Variants in MAGI1 observed in about 807,000 individuals in gnomAD.
The protein encoded by MAGI1 is membrane-associated guanylate kinase, WW and PDZ domain-containing protein 1.
MAGI1 carries 58 observed loss-of-function variants against 139.9 expected under a neutral mutation model. The ratio of observed to expected loss-of-function variants is 0.41; its 90% CI spans 0.34 to 0.52. The LOEUF is 0.52. MAGI1 is among the 20% of genes least tolerant of loss of function. The probability of loss-of-function intolerance (pLI) is 0.12; values close to 1 mark genes in which losing one functional copy is unlikely to be tolerated. For missense variants in MAGI1, 1,874 were observed against 1,901.6 expected (o/e 0.99, Z 0.27); for synonymous variants, 812 against 737.9 (o/e 1.10, Z -1.63).
At chr3:65,430,602 T>A (rs1947384412) in intron 11 of MAGI1, 97 bp downstream of exon 11, 1 of 1,315,982 alleles carries the variant, frequency 7.6e-7, no homozygotes, top group African/African-American at 1.5e-5. Flanking sequence ...TGACGTTGCT[T>A]GGTCTTGCTC....
At chr3:65,514,513 C>T (rs1317177150) in intron 2 of MAGI1, among the ~76,000 whole-genome samples, 2 of 150,580 alleles carry the variant, frequency 1.3e-5, no homozygotes, top group Non-Finnish European at 2.9e-5. Flanking sequence ...TGAACAGACA[C>T]TTCTCAAAAG....
intron 1 of MAGI1, among the ~76,000 whole-genome samples, chr3:65,948,322 G>C (rs2063640555): frequency 6.6e-6 from 1 of 152,146 alleles, no homozygotes; most frequent in Admixed American, 6.5e-5. Context: ...TATATCTCCA[G>C]CCTTCCTAAA....
intron 12 of MAGI1, among the ~76,000 whole-genome samples, chr3:65,417,359 C>T (rs1946302122): frequency 1.3e-5 from 2 of 152,052 alleles, no homozygotes; most frequent in African/African-American, 4.8e-5. Context: ...ATGGAGGATG[C>T]TAATCATAAT....
chr3:65,805,368 C>T (rs1575563106), intron 1 of MAGI1, among the ~76,000 whole-genome samples: 1 of 152,132 alleles, frequency 6.6e-6, no homozygotes, highest in Non-Finnish European at 1.5e-5. Context: ...TAGAGAAATG[C>T]AAATCAAAAC....
chr3:65,940,180 T>C lies in MAGI1; in HGVS notation c.313+97816A>G, dbSNP rs61225842. On this transcript the variant is annotated intron_variant, in intron 1 of 22. Coordinates refer to ENST00000402939, the MANE Select transcript of MAGI1 (RefSeq NM_001033057.2). ...GTTCTCCAAACCCTCCTACCTCTTATTCCAAGCAAAGCAGAGAGCGCTTAG... is the reference window on the plus strand; with the variant it reads ...GTTCTCCAAACCCTCCTACCTCTTACTCCAAGCAAAGCAGAGAGCGCTTAG... Among the ~76,000 whole-genome samples, 556 of 152,258 alleles carry C rather than the reference T, an allele frequency of 3.7e-3. 2 individuals carry two copies. The highest frequency in any genetic ancestry group is 0.013 in the African/African-American group (526 of 41,546).
chr3:65,360,281 C>A (rs758021949), intron 22 of MAGI1: 21 of 984,218 alleles, frequency 2.1e-5, no homozygotes, highest in Non-Finnish European at 2.4e-5. Context: ...CATTCAATCA[C>A]AGTTTCTATA....
intron 1 of MAGI1, among the ~76,000 whole-genome samples, chr3:65,890,834 C>A (rs2060716526): frequency 6.6e-6 from 1 of 152,156 alleles, no homozygotes; most frequent in Admixed American, 6.5e-5. Context: ...TTGTACTTGT[C>A]AATAGACAGC....
chr3:65,465,312 C>T (rs1044099323), intron 5 of MAGI1, among the ~76,000 whole-genome samples: 1 of 150,604 alleles, frequency 6.6e-6, no homozygotes, highest in Non-Finnish European at 1.5e-5. Flanking sequence ...CTCCATTCTT[C>T]TCTTTTCCTC....
intron 1 of MAGI1, among the ~76,000 whole-genome samples, chr3:65,678,226 C>T (rs746910084): frequency 5.3e-5 from 8 of 151,850 alleles, no homozygotes; most frequent in African/African-American, 9.7e-5. Context: ...ATGTAGATGA[C>T]GGGTTGATGG....
At chr3:65,420,346 T>C (rs6776155) in intron 12 of MAGI1, among the ~76,000 whole-genome samples, 86,736 of 151,924 alleles carry the variant, frequency 0.57, 28,167 homozygotes, top group Non-Finnish European at 0.71. Context: ...TTTCCTTCTC[T>C]GTGGTCACTC....
At chr3:66,028,401 T>G (rs2068410519) in intron 1 of MAGI1, among the ~76,000 whole-genome samples, 1 of 152,186 alleles carries the variant, frequency 6.6e-6, no homozygotes, top group Admixed American at 6.5e-5. Context: ...ATTCTCATTT[T>G]CAACTGGGAG....
chr3:65,606,848 G>A (rs1167125021), intron 2 of MAGI1, among the ~76,000 whole-genome samples: 1 of 151,872 alleles, frequency 6.6e-6, no homozygotes, highest in Admixed American at 6.6e-5. Flanking sequence ...TGTAGAGATG[G>A]GTTTTCACCA....
At chr3:65,882,444 C>G (rs1320284334) in intron 1 of MAGI1, among the ~76,000 whole-genome samples, 1 of 152,044 alleles carries the variant, frequency 6.6e-6, no homozygotes, top group African/African-American at 2.4e-5. Flanking sequence ...TACTCAAATT[C>G]AGGAAGAGTA....
chr3:65,537,383 T>C (rs1194680356), intron 2 of MAGI1, among the ~76,000 whole-genome samples: 1 of 152,214 alleles, frequency 6.6e-6, no homozygotes, highest in Non-Finnish European at 1.5e-5. Context: ...CTCCTTTCTC[T>C]GTGTTCCCTT....
chr3:65,907,267 T>C (rs78714306), intron 1 of MAGI1, among the ~76,000 whole-genome samples: 144 of 152,318 alleles, frequency 9.5e-4, no homozygotes, highest in African/African-American at 3.2e-3. Flanking sequence ...TATTAACATA[T>C]ATGTTATTCC....
At chr3:65,482,566 A>T (rs1463644878) in intron 3 of MAGI1, among the ~76,000 whole-genome samples, 1 of 152,178 alleles carries the variant, frequency 6.6e-6, no homozygotes, top group Non-Finnish European at 1.5e-5. Context: ...TTATTGTGAA[A>T]ATTAACTAAT....
intron 1 of MAGI1, among the ~76,000 whole-genome samples, chr3:65,850,964 A>G (rs2059181294): frequency 6.6e-6 from 1 of 152,118 alleles, no homozygotes; most frequent in African/African-American, 2.4e-5. Context: ...AAAATTAGCC[A>G]GGCAGGGTGG....
intron 1 of MAGI1, among the ~76,000 whole-genome samples, chr3:66,008,309 C>T (rs2067138642): frequency 6.6e-6 from 1 of 152,190 alleles, no homozygotes; most frequent in Non-Finnish European, 1.5e-5. Flanking sequence ...CCTGCATCCC[C>T]AGATAATTCA....
chr3:65,975,251 T>C (rs17074202), intron 1 of MAGI1, among the ~76,000 whole-genome samples: 1,912 of 152,240 alleles, frequency 0.013, 31 homozygotes, highest in African/African-American at 0.034. Context: ...AACACATCAG[T>C]GCCAAGAAAG....
Sources: allele counts gnomAD v4.1 joint callset (sites outside exome capture counted in the v4.1 genomes callset), GRCh38; gene constraint gnomAD v4.1.1; transcripts MANE v1.5; gene names NCBI Gene and HGNC (gene_info 2026-07-23, HGNC 2026-07-21).